The following REDIC1 variants were observed in gnomAD, a reference collection of about 807,000 sequenced individuals.
REDIC1 encodes regulator of DNA class I crossover intermediates 1, also known as HEI10 Interacting Protein 1.
At chr12:39,788,635 G>T in the REDIC1 span, 1 of 152,160 alleles carries the variant, frequency 6.6e-6, no homozygotes, top group Non-Finnish European at 1.5e-5. Context: ...GAGGACTACA[G>T]TACATCAAAT....
At chr12:39,687,034 T>G in the REDIC1 span, among the ~76,000 whole-genome samples, 1 of 152,206 alleles carries the variant, frequency 6.6e-6, no homozygotes, top group African/African-American at 2.4e-5. Context: ...CATTTGTATC[T>G]GAGACCTCCT....
chr12:39,736,719 C>T, the REDIC1 span: 3 of 152,158 alleles, frequency 2.0e-5, no homozygotes, highest in Admixed American at 6.5e-5. Flanking sequence ...GGACACATGC[C>T]GTGGGTATCC....
chr12:39,860,570 G>T, the REDIC1 span, among the ~76,000 whole-genome samples: 6 of 152,160 alleles, frequency 3.9e-5, no homozygotes, highest in South Asian at 2.1e-4. Context: ...GGACACCTGA[G>T]ATTCCACATG....
the REDIC1 span, among the ~76,000 whole-genome samples, chr12:39,830,645 C>T: frequency 6.6e-6 from 1 of 152,076 alleles, no homozygotes; most frequent in Non-Finnish European, 1.5e-5. Context: ...CCTCATACAC[C>T]ATCTATTTTA....
At chr12:39,858,693 G>A in the REDIC1 span, among the ~76,000 whole-genome samples, 2 of 152,000 alleles carry the variant, frequency 1.3e-5, no homozygotes, top group Non-Finnish European at 2.9e-5. Flanking sequence ...TGCAACCTCC[G>A]CCTCCCAGGT....
the REDIC1 span, chr12:39,721,191 G>A: frequency 6.4e-5 from 104 of 1,613,452 alleles, no homozygotes; most frequent in Non-Finnish European, 7.5e-5. Context: ...ACCTTGAAAG[G>A]TGCAGTGGAA....
the REDIC1 span, among the ~76,000 whole-genome samples, chr12:39,704,591 T>A: frequency 6.6e-6 from 1 of 151,526 alleles, no homozygotes; most frequent in African/African-American, 2.4e-5. Flanking sequence ...CAAAGGACTA[T>A]AAATCATGCT....
the REDIC1 span, among the ~76,000 whole-genome samples, chr12:39,698,410 A>G: frequency 1.8e-5 from 1 of 54,542 alleles, no homozygotes; most frequent in Non-Finnish European, 5.8e-5. Flanking sequence ...GGAGACTTCA[A>G]CATTCCTCTT....
chr12:39,626,339 GA>G, the REDIC1 span: 3 of 1,614,154 alleles, frequency 1.9e-6, no homozygotes, highest in South Asian at 3.3e-5. Context: ...TTGGGAAGAT[GA>G]ATTGGGTCGG....
the REDIC1 span, chr12:39,829,902 A>G: frequency 1.5e-6 from 1 of 648,182 alleles, no homozygotes; most frequent in African/African-American, 1.8e-5. Context: ...CCAAAAGTCT[A>G]GGCCTGAGTG....
the REDIC1 span, among the ~76,000 whole-genome samples, chr12:39,646,110 A>C: frequency 6.6e-6 from 1 of 152,022 alleles, no homozygotes; most frequent in Non-Finnish European, 1.5e-5. Context: ...CTAAATTAAT[A>C]GGGCAGCTAT....
At chr12:39,797,740 A>ACACACACATACG in the REDIC1 span, among the ~76,000 whole-genome samples, 1 of 131,370 alleles carries the variant, frequency 7.6e-6, no homozygotes, top group Admixed American at 7.4e-5. Context: ...ACACACACAC[A>ACACACACATACG]CACACACACA....
chr12:39,813,739 C>A, the REDIC1 span, among the ~76,000 whole-genome samples: 2 of 152,112 alleles, frequency 1.3e-5, no homozygotes. Flanking sequence ...ACTTGAAACA[C>A]GGCTGCAGCC....
the REDIC1 span, among the ~76,000 whole-genome samples, chr12:39,704,313 A>G: frequency 2.0e-5 from 3 of 152,194 alleles, no homozygotes; most frequent in Admixed American, 6.5e-5. Flanking sequence ...CAAAAAACAC[A>G]TGAAAAAATG....
the REDIC1 span, chr12:39,684,875 T>G: frequency 1.2e-6 from 2 of 1,610,578 alleles, no homozygotes; most frequent in Non-Finnish European, 1.7e-6. Flanking sequence ...AGGGGAAATA[T>G]ACCTTCGGAA....
At chr12:39,654,066 G>GT in the REDIC1 span, among the ~76,000 whole-genome samples, 1 of 140,276 alleles carries the variant, frequency 7.1e-6, no homozygotes, top group African/African-American at 2.7e-5. Context: ...TTATGATGTT[G>GT]TTTTTTTTAA....
the REDIC1 span, among the ~76,000 whole-genome samples, chr12:39,652,999 T>G: frequency 6.6e-6 from 1 of 152,080 alleles, no homozygotes; most frequent in Admixed American, 6.5e-5. Context: ...GTTTTGGCTC[T>G]TCTTAATCCT....
chr12:39,712,991 ATACGTGTATATGTATATATACATGTGTAT>A, the REDIC1 span, among the ~76,000 whole-genome samples: 1 of 142,610 alleles, frequency 7.0e-6, no homozygotes, highest in East Asian at 2.1e-4. Flanking sequence ...ACATGTGTAT[ATACGTGTATATGTATATATACATGTGTAT>A]ATACGTGTAT....
At chr12:39,653,538 T>TCTTCTTCTTCTTCTTCTTC in the REDIC1 span, among the ~76,000 whole-genome samples, 2 of 66,688 alleles carry the variant, frequency 3.0e-5, no homozygotes, top group African/African-American at 9.5e-5. Context: ...TTCTTCTTCT[T>TCTTCTTCTTCTTCTTCTTC]TTTCTTCTTC....
Sources: gnomAD v4.1 joint callset for allele counts (sites outside exome capture counted in the v4.1 genomes callset) on GRCh38, gnomAD v4.1.1 for gene constraint, MANE v1.5 for transcripts, NCBI Gene and HGNC (gene_info 2026-07-23, HGNC 2026-07-21) for gene names.